CHD7: variants seen among roughly 807,000 people sequenced by gnomAD.
CHD7 encodes ATP-dependent chromatin remodeler CHD7.
CHD7 carries 24 observed loss-of-function variants against 307.3 expected under a neutral mutation model. The observed-to-expected ratio is 0.08, with a 90% CI of 0.06 to 0.11. CHD7 has a LOEUF of 0.11. Among genes scored for constraint, CHD7 ranks in the 10% least tolerant of loss-of-function variants. CHD7 has a pLI of 1.00. For synonymous variants in CHD7, 1,363 were observed against 1,349.9 expected, an observed-to-expected ratio of 1.01 and a Z score of -0.21; for missense variants, 3,106 against 3,727.1, an observed-to-expected ratio of 0.83 and a Z score of 4.34.
intron 3 of CHD7, among the ~76,000 whole-genome samples, chr8:60,786,541 C>A (rs1027932580): frequency 1.3e-5 from 2 of 151,520 alleles, no homozygotes; most frequent in African/African-American, 4.9e-5. Flanking sequence ...TGGTGTAGAT[C>A]CCACTTTCAA....
intron 3 of CHD7, among the ~76,000 whole-genome samples, chr8:60,783,713 G>A (rs1349894757): frequency 2.0e-5 from 3 of 152,246 alleles, no homozygotes; most frequent in Middle Eastern, 3.4e-3. Context: ...ATGAGCCTGC[G>A]GATTTACAGG....
At chr8:60,839,762 TC>T (rs1804888019) in intron 19 of CHD7, among the ~76,000 whole-genome samples, 2 of 152,228 alleles carry the variant, frequency 1.3e-5, no homozygotes, top group South Asian at 4.1e-4. Flanking sequence ...CTATTCAAGT[TC>T]TTTGTTCATT....
In CHD7 at chr8:60,865,436, C is replaced by T; in HGVS notation, c.8497C>T (p.Gln2833Ter). The change falls in exon 38 of 38, where the codon CAA becomes TAA. Residue 2833 changes from glutamine (Q) to a stop codon, truncating the protein, a stop_gained. Transcript: ENST00000423902. LOFTEE classifies it high-confidence loss of function. This position sits in a 1 kb window ranked among gnomAD's most constrained non-coding sequence, Gnocchi z 4.3. Reference protein sequence around the residue: ...ATGNTTTASSQGEPEDSTSKG... With the variant: ...ATGNTTTASS ...TGGAAACACCACTACTGCTTCTAGT[C>T]AAGGAGAACCGGAAGACAGCACTTC... 1 of 1,613,976 alleles carries T rather than the reference C, an allele frequency of 6.2e-7. No homozygotes were observed. Among genetic ancestry groups the T allele is most frequent in the Non-Finnish European group, 8.5e-7 (1 of 1,179,892 alleles).
chr8:60,854,323 T>TA lies in CHD7; in HGVS notation c.6776-39dup, dbSNP rs780873067. On this transcript the variant is annotated intron_variant, in intron 31 of 37. Coordinates refer to ENST00000423902, the MANE Select transcript of CHD7 (RefSeq NM_017780.4). ...CCTTTCTAAACTTCAGTTTCCCTGATACTGTGGTTGTGAGTAATGCACATT... is the reference window on the plus strand; with the variant it reads ...CCTTTCTAAACTTCAGTTTCCCTGATAACTGTGGTTGTGAGTAATGCACATT... 2.7e-4 allele frequency: 427 copies of TA among 1,587,402 alleles called. 1 individual carries two copies. Among genetic ancestry groups the TA allele is most frequent in the Non-Finnish European group, 3.6e-4 (419 of 1,160,688 alleles).
chr8:60,745,064 C>G (rs1347478907), intron 2 of CHD7, among the ~76,000 whole-genome samples: 2 of 151,186 alleles, frequency 1.3e-5, no homozygotes, highest in Non-Finnish European at 3.0e-5. Flanking sequence ...TATAACCACC[C>G]TTGGTGATTC....
intron 1 of CHD7, among the ~76,000 whole-genome samples, chr8:60,679,961 A>G (rs1459352808): frequency 6.6e-6 from 1 of 151,374 alleles, no homozygotes; most frequent in Non-Finnish European, 1.5e-5. Context: ...GTGCGCTAGG[A>G]GGAGAAGAAA....
chr8:60,685,919 A>T (rs1805862770), intron 1 of CHD7, among the ~76,000 whole-genome samples: 1 of 152,234 alleles, frequency 6.6e-6, no homozygotes, highest in South Asian at 2.1e-4. Context: ...TTGCCAGCTA[A>T]TATGGGTGAT....
chr8:60,703,087 T>C (rs1586184841), intron 1 of CHD7, among the ~76,000 whole-genome samples: 1 of 152,334 alleles, frequency 6.6e-6, no homozygotes, highest in East Asian at 1.9e-4. Flanking sequence ...AGGCCCAACA[T>C]ATTTGGCCAC....
At chr8:60,737,372 T>TTACA (rs1554580372) in intron 1 of CHD7, among the ~76,000 whole-genome samples, 2 of 152,210 alleles carry the variant, frequency 1.3e-5, no homozygotes, top group Non-Finnish European at 1.5e-5. Flanking sequence ...TAAGCTGCTG[T>TTACA]TTCATTCATT....
chr8:60,731,623 A>G (rs1808461899), intron 1 of CHD7, among the ~76,000 whole-genome samples: 1 of 152,218 alleles, frequency 6.6e-6, no homozygotes, highest in African/African-American at 2.4e-5. Context: ...TTAACTCTGT[A>G]TTTCAGCCTT....
chr8:60,712,984 G>A (rs1807358071), intron 1 of CHD7, among the ~76,000 whole-genome samples: 1 of 147,336 alleles, frequency 6.8e-6, no homozygotes, highest in South Asian at 2.2e-4. Context: ...CCTGGAGGGG[G>A]AGTTACGCTG....
chr8:60,827,561 T>C (rs1804310235), intron 13 of CHD7, among the ~76,000 whole-genome samples: 1 of 152,144 alleles, frequency 6.6e-6, no homozygotes. Flanking sequence ...AAAAAATTGA[T>C]TGATTGATCC....
chr8:60,837,071 CAGAG>C, intron 17 of CHD7, 59 bp downstream of exon 17: 5 of 1,323,728 alleles, frequency 3.8e-6, no homozygotes, highest in Non-Finnish European at 5.3e-6. Flanking sequence ...CTTACTATGA[CAGAG>C]AGTACCAGTC....
rs1216748648 is a variant in CHD7, at chr8:60,748,970, ATTTTTTTTT to A, written c.1665+5882_1665+5890del. ...AAAACCTGGAAGAATCAGTGGTACAATTTTTTTTTTTTTTTTTAAAAAAATAGCCTTTCA... is the reference window on the plus strand; with the variant it reads ...AAAACCTGGAAGAATCAGTGGTACAATTTTTTTTAAAAAAATAGCCTTTCA... On this transcript the variant is annotated intron_variant, in intron 2 of 37. Coordinates refer to ENST00000423902, the MANE Select transcript of CHD7 (RefSeq NM_017780.4). 5.0e-3 allele frequency among the ~76,000 whole-genome samples: 680 copies of A among 137,296 alleles called. 2 individuals are homozygous for A. The highest frequency in any genetic ancestry group is 0.017 in the African/African-American group (639 of 37,866). 90.1% of individuals were successfully genotyped at this position (137,296 alleles called of 152,430 possible). A position where few individuals can be genotyped will look rare whatever the true frequency, so the allele number is the denominator to read the frequency against.
At chr8:60,734,373 A>G (rs923979149) in intron 1 of CHD7, among the ~76,000 whole-genome samples, 2 of 152,164 alleles carry the variant, frequency 1.3e-5, no homozygotes, top group African/African-American at 4.8e-5. Flanking sequence ...TCAGGATTCC[A>G]CTTCACATGG....
At chr8:60,707,597 T>C (rs1254699680) in intron 1 of CHD7, among the ~76,000 whole-genome samples, 1 of 152,240 alleles carries the variant, frequency 6.6e-6, no homozygotes, top group Non-Finnish European at 1.5e-5. Context: ...ATGACCAGAA[T>C]TGGGTAACTA....
chr8:60,726,534 A>C (rs1054709497), intron 1 of CHD7, among the ~76,000 whole-genome samples: 1 of 152,258 alleles, frequency 6.6e-6, no homozygotes, highest in African/African-American at 2.4e-5. Flanking sequence ...GAAATGTGTG[A>C]TCGTCTGCAC....
intron 3 of CHD7, among the ~76,000 whole-genome samples, chr8:60,793,592 C>T (rs1811877380): frequency 6.6e-6 from 1 of 152,110 alleles, no homozygotes; most frequent in South Asian, 2.1e-4. Flanking sequence ...ATCTTGGCTT[C>T]TTCCTTTTGT....
intron 2 of CHD7, among the ~76,000 whole-genome samples, chr8:60,769,953 G>A (rs1412541173): frequency 5.9e-5 from 9 of 152,240 alleles, no homozygotes; most frequent in Admixed American, 5.9e-4. Flanking sequence ...GAAACTAAAT[G>A]TTAAGATGTG....
Sources: allele counts gnomAD v4.1 joint callset (sites outside exome capture counted in the v4.1 genomes callset), GRCh38; gene constraint gnomAD v4.1.1; non-coding constraint Gnocchi (gnomAD v3.1); transcripts MANE v1.5; gene names NCBI Gene and HGNC (gene_info 2026-07-23, HGNC 2026-07-21).